Variants in ZNF662 observed in about 807,000 individuals in gnomAD.
ZNF662 encodes zinc finger protein 662.
ZNF662 carries 14 observed loss-of-function variants against 12.4 expected under a neutral mutation model. That is an observed-to-expected ratio of 1.13 (90% CI 0.75 to 1.77). The LOEUF is 1.77. ZNF662 is among the 40% of genes most tolerant of loss of function. ZNF662 has a pLI of 0.00. For missense variants in ZNF662, 550 were observed against 515.6 expected (o/e 1.07, Z -0.65); for synonymous variants, 184 against 176.4 (o/e 1.04, Z -0.34).
intron 2 of ZNF662, 118 bp downstream of exon 2, chr3:42,908,266 G>T: frequency 6.8e-7 from 1 of 1,462,564 alleles, no homozygotes; most frequent in Non-Finnish European, 9.1e-7. Context: ...CAGGCTCTTG[G>T]ATTTTTAATG....
Position 42,915,580 on chromosome 3 carries a change from C to G in ZNF662, c.*226C>G. 1 of 485,018 alleles carries G rather than the reference C, an allele frequency of 2.1e-6. No homozygotes were observed. The highest frequency in any genetic ancestry group is 3.6e-6 in the Non-Finnish European group (1 of 278,380). 30.0% of individuals were successfully genotyped at this position (485,018 alleles called of 1,614,324 possible). A position where few individuals can be genotyped will look rare whatever the true frequency, so the allele number is the denominator to read the frequency against. On this transcript the variant is annotated 3_prime_UTR_variant, in exon 5 of 5. Coordinates refer to ENST00000440367, the MANE Select transcript of ZNF662 (RefSeq NM_207404.4). ...GCAGCTACTCTGTATCAGGTGCTAA[C>G]CACTTTACATACATTAATTTGCATA...
At chr3:42,910,000 G>T (rs1372797592) in intron 3 of ZNF662, among the ~76,000 whole-genome samples, 1 of 152,176 alleles carries the variant, frequency 6.6e-6, no homozygotes, top group Non-Finnish European at 1.5e-5. Flanking sequence ...GCCAAGGAAG[G>T]TGGCTGGGAG....
At position 42,906,871 on chromosome 3, in the gene ZNF662, C is replaced by G. The variant is rs565949663; in HGVS notation, c.-94+703C>G. On this transcript the variant is annotated intron_variant, in intron 1 of 4. Transcript: ENST00000440367. This position sits in a 1 kb window ranked among gnomAD's most constrained non-coding sequence, Gnocchi z 4.4. The stretch of plus-strand genomic sequence containing the variant: ...TTTCCCAATGCAATGGTGAGAGGAT[C>G]GGAGATGAGAGTGGTGGTGGCTGAT... Among the ~76,000 whole-genome samples, 2 of 152,094 alleles carry G rather than the reference C, an allele frequency of 1.3e-5. No individual in the cohort carries two copies. Among genetic ancestry groups the G allele is most frequent in the Non-Finnish European group, 1.5e-5 (1 of 68,022 alleles).
chr3:42,910,602 C>T (rs1575410916), intron 3 of ZNF662, among the ~76,000 whole-genome samples: 3 of 152,088 alleles, frequency 2.0e-5, no homozygotes, highest in Admixed American at 1.3e-4. Context: ...CATTAGAAAC[C>T]AAGAACTCTC....
At chr3:42,913,805 A>T (rs1045314626) in intron 4 of ZNF662, among the ~76,000 whole-genome samples, 1 of 152,194 alleles carries the variant, frequency 6.6e-6, no homozygotes, top group Non-Finnish European at 1.5e-5. Context: ...AGTTTGAGAA[A>T]GCACTTCCCA....
chr3:42,912,709 T>TATATATATATTTTTTATATATATAA (rs2088839696), intron 3 of ZNF662, among the ~76,000 whole-genome samples: 2 of 68,218 alleles, frequency 2.9e-5, no homozygotes, highest in African/African-American at 6.6e-5. Context: ...TATATATAAA[T>TATATATATATTTTTTATATATATAA]ATATATATAT....
rs1169395352 is a variant in ZNF662 at position 42,915,360 on chromosome 3, G to C, written c.*6G>C. The C allele has an allele frequency of 6.5e-7, 1 of 1,535,786 alleles. No individual in the cohort carries two copies. The highest frequency in any genetic ancestry group is 2.3e-5 in the East Asian group (1 of 44,364). ...CTCACCTTCTTGAACATTAGAGAGT[G>C]CATAATGGTGATACTTGTTTATAAT... On this transcript the variant is annotated 3_prime_UTR_variant, in exon 5 of 5. Coordinates refer to ENST00000440367, the MANE Select transcript of ZNF662 (RefSeq NM_207404.4).
At chr3:42,913,452 C>A in intron 4 of ZNF662, 150 bp downstream of exon 4, 2 of 589,774 alleles carry the variant, frequency 3.4e-6, no homozygotes, top group Non-Finnish European at 3.0e-6. Context: ...AAACTTAAAC[C>A]CTAAGCTTCC....
chr3:42,915,064 C>A lies in ZNF662; in HGVS notation c.991C>A (p.Pro331Thr), dbSNP rs373371053. The A allele has an allele frequency of 6.8e-6, 11 of 1,613,982 alleles. No individual in the cohort carries two copies. Among genetic ancestry groups the A allele is most frequent in the Non-Finnish European group, 9.3e-6 (11 of 1,180,010 alleles). ...RHQRMHTGEK[P>T]YECKDCGKGF... The stretch of plus-strand genomic sequence containing the variant: ...TCAGAGAATGCACACTGGGGAGAAG[C>A]CTTACGAATGTAAGGACTGTGGGAA... Residue 331 changes from proline (P) to threonine (T), a missense_variant, in exon 5 of 5, where the codon CCT becomes ACT. By Grantham distance (38) the Pro-to-Thr change is conservative (BLOSUM62 -1). Coordinates refer to ENST00000440367, the MANE Select transcript of ZNF662 (RefSeq NM_207404.4).
At chr3:42,911,582 T>G (rs1253740638) in intron 3 of ZNF662, among the ~76,000 whole-genome samples, 1 of 152,224 alleles carries the variant, frequency 6.6e-6, no homozygotes, top group East Asian at 1.9e-4. Flanking sequence ...AAGTCCACTT[T>G]TGTCTTACAG....
In ZNF662 at chr3:42,915,274, T is replaced by G. The variant is rs982846187; in HGVS notation, c.1201T>G (p.Ser401Ala). Residue 401 changes from serine (S) to alanine (A), a missense_variant, in exon 5 of 5, where the codon TCT (serine) becomes GCT (alanine). Coordinates refer to ENST00000440367, the MANE Select transcript of ZNF662 (RefSeq NM_207404.4). ...CTGTGGGAAGGCCTTCAGTCAGAAT[T>G]CTGTCTTAATTAAGCACCAGAGGCG... Reference protein sequence around the residue: ...NDCGKAFSQNSVLIKHQRRHA... With the variant: ...NDCGKAFSQNAVLIKHQRRHA... 9 of 1,613,410 alleles carry G rather than the reference T, an allele frequency of 5.6e-6. No homozygotes were observed. The highest frequency in any genetic ancestry group is 7.6e-6 in the Non-Finnish European group (9 of 1,179,708).
At chr3:42,912,637 A>AT (rs1222480696) in intron 3 of ZNF662, among the ~76,000 whole-genome samples, 3 of 66,642 alleles carry the variant, frequency 4.5e-5, no homozygotes, top group Non-Finnish European at 6.0e-5. Context: ...ATATTTATAT[A>AT]TTTTATATAT....
chr3:42,909,448 C>T (rs1386838442), intron 3 of ZNF662, among the ~76,000 whole-genome samples: 2 of 152,168 alleles, frequency 1.3e-5, no homozygotes, highest in Admixed American at 6.5e-5. Flanking sequence ...AAAATGGAGT[C>T]TCCTATGTCT....
At chr3:42,908,451 G>A (rs1349377852) in intron 2 of ZNF662, 166 of 1,241,388 alleles carry the variant, frequency 1.3e-4, no homozygotes, top group Non-Finnish European at 1.6e-4. Flanking sequence ...CTCCCCTCTC[G>A]GTTTGCAAGA....
intron 3 of ZNF662, 50 bp downstream of exon 3, chr3:42,908,959 T>C (rs1405161408): frequency 7.5e-7 from 1 of 1,339,606 alleles, no homozygotes; most frequent in Admixed American, 1.9e-5. Flanking sequence ...CTTGTCATGA[T>C]CTTTAAAATG....
chr3:42,915,506 G>A lies in ZNF662; in HGVS notation c.*152G>A. 3 of 679,560 alleles carry A rather than the reference G, an allele frequency of 4.4e-6. No homozygotes were observed. In the South Asian group the frequency reaches 6.7e-5, roughly 15 times the overall value. 42.1% of individuals were successfully genotyped at this position (679,560 alleles called of 1,614,324 possible). ...GAACATTTACCATGTACTCTAGCAA[G>A]ACTGGTCCCTCTGTTCTATGATGTT... is the stretch of plus-strand genomic sequence containing the variant. On this transcript the variant is annotated 3_prime_UTR_variant, in exon 5 of 5. Coordinates refer to ENST00000440367, the MANE Select transcript of ZNF662 (RefSeq NM_207404.4).
rs760560193 is a variant in ZNF662, at chr3:42,914,959, C to T, written c.886C>T (p.Arg296Trp). ...GAACACAAGCCTTACGCAACATCAACGGATCCACACTGGTGAGAAACCATA... is the reference window on the plus strand; with the variant it reads ...GAACACAAGCCTTACGCAACATCAATGGATCCACACTGGTGAGAAACCATA... Reference protein sequence around the residue: ...SQNTSLTQHQRIHTGEKPYTC... With the variant: ...SQNTSLTQHQWIHTGEKPYTC... Residue 296 changes from arginine to tryptophan, a missense_variant, in exon 5 of 5, where the codon CGG (arginine) becomes TGG (tryptophan). Physicochemically the swap from Arg to Trp is moderately radical, Grantham distance 101. Transcript: ENST00000440367. 21 of 1,613,118 alleles carry T rather than the reference C, an allele frequency of 1.3e-5. No homozygotes were observed. Among genetic ancestry groups the T allele is most frequent in the South Asian group, 1.2e-4 (11 of 91,028 alleles).
chr3:42,913,324 ATTC>A, intron 4 of ZNF662, 22 bp downstream of exon 4: 1 of 1,556,316 alleles, frequency 6.4e-7, no homozygotes, highest in Non-Finnish European at 8.9e-7. Flanking sequence ...GGAAATGAGC[ATTC>A]TTCTCTCAGT....
Position 42,917,767 on chromosome 3 carries a change from T to G in ZNF662, c.*2413T>G, listed in dbSNP as rs1419636192. ...CCTCTTGCTCAGTAGTCTCATAAGC[T>G]TCTCAGTTTTATCTCATCTCAGTTG... On this transcript the variant is annotated 3_prime_UTR_variant, in exon 5 of 5. Coordinates refer to ENST00000440367, the MANE Select transcript of ZNF662 (RefSeq NM_207404.4). 6 of 585,172 alleles carry G rather than the reference T, an allele frequency of 1.0e-5. No individual in the cohort carries two copies. In the Admixed American group the frequency reaches 1.9e-4, roughly 19 times the overall value. 36.2% of individuals were successfully genotyped at this position (585,172 alleles called of 1,614,324 possible). A position where few individuals can be genotyped will look rare whatever the true frequency, so the allele number is the denominator to read the frequency against.
Sources: gnomAD v4.1 joint callset for allele counts (sites outside exome capture counted in the v4.1 genomes callset) on GRCh38, gnomAD v4.1.1 for gene constraint, Gnocchi (gnomAD v3.1) non-coding constraint, MANE v1.5 for transcripts, NCBI Gene and HGNC (gene_info 2026-07-23, HGNC 2026-07-21) for gene names.